The following CKAP5 variants were observed in gnomAD, a reference collection of about 807,000 sequenced individuals.
CKAP5 encodes the protein cytoskeleton-associated protein 5.
In CKAP5, 27 loss-of-function variants were observed where a neutral mutation model predicts 232.8. The ratio of observed to expected loss-of-function variants is 0.12; its 90% CI spans 0.09 to 0.16. The LOEUF (loss-of-function observed/expected upper bound fraction) is 0.16. CKAP5 is among the 10% of genes least tolerant of loss of function. The pLI, the probability that CKAP5 is intolerant of heterozygous loss-of-function variation, is 1.00. For synonymous variants in CKAP5, 785 were observed against 841.1 expected, an observed-to-expected ratio of 0.93 and a Z score of 1.16; for missense variants, 1,838 against 2,424.7, an observed-to-expected ratio of 0.76 and a Z score of 5.08.
intron 20 of CKAP5, 44 bp from the exon 21 acceptor site, chr11:46,778,643 A>G: frequency 6.4e-7 from 1 of 1,550,750 alleles, no homozygotes; most frequent in African/African-American, 1.4e-5. Flanking sequence ...TTTATATAGG[A>G]TATGGGAACA....
At chr11:46,811,204 C>A (rs1412016556) in intron 4 of CKAP5, 26 bp from the exon 5 acceptor site, 9 of 1,589,746 alleles carry the variant, frequency 5.7e-6, no homozygotes, top group East Asian at 2.2e-5. Context: ...TGGGAAAAAA[C>A]TGTCAACGTG....
intron 42 of CKAP5, among the ~76,000 whole-genome samples, chr11:46,749,153 A>T (rs1388981420): frequency 6.6e-6 from 1 of 151,440 alleles, no homozygotes; most frequent in East Asian, 2.0e-4. Flanking sequence ...TGACATGTAG[A>T]GTTTACAATG....
chr11:46,841,765 C>T (rs1310532863), intron 1 of CKAP5, among the ~76,000 whole-genome samples: 1 of 152,014 alleles, frequency 6.6e-6, no homozygotes, highest in African/African-American at 2.4e-5. Flanking sequence ...CTTTGGGAGG[C>T]CAAGGCAGGA....
intron 1 of CKAP5, among the ~76,000 whole-genome samples, chr11:46,835,781 G>A (rs529833649): frequency 6.6e-6 from 1 of 152,280 alleles, no homozygotes; most frequent in Admixed American, 6.5e-5. Flanking sequence ...CACCCACTTT[G>A]GGGGTGGGCT....
At chr11:46,803,140 T>A (rs538014235) in intron 8 of CKAP5, among the ~76,000 whole-genome samples, 82 of 151,994 alleles carry the variant, frequency 5.4e-4, no homozygotes, top group African/African-American at 1.9e-3. Flanking sequence ...GGCATGCGCC[T>A]GTAGTCCCAG....
chr11:46,765,599 C>CTT lies in CKAP5; in HGVS notation c.3412-345_3412-344dup, dbSNP rs147227678. On this transcript the variant is annotated intron_variant, in intron 27 of 43. Coordinates refer to ENST00000529230, the MANE Select transcript of CKAP5 (RefSeq NM_001008938.4). ...TTATAGCTTTCCATATTAATGACATCTTTTTTTTTTTTTTTTTTTTTTTGA... is the reference window on the plus strand; with the variant it reads ...TTATAGCTTTCCATATTAATGACATCTTTTTTTTTTTTTTTTTTTTTTTTTGA... Among the ~76,000 whole-genome samples the CTT allele has an allele frequency of 1.2e-4, 9 of 74,632 alleles. 1 individual carries two copies. Among genetic ancestry groups the CTT allele is most frequent in the Admixed American group, 1.8e-4 (1 of 5,704 alleles). 49.0% of individuals were successfully genotyped at this position (74,632 alleles called of 152,430 possible).
At chr11:46,817,866 G>C (rs567538765) in intron 3 of CKAP5, among the ~76,000 whole-genome samples, 1 of 152,216 alleles carries the variant, frequency 6.6e-6, no homozygotes, top group East Asian at 1.9e-4. Flanking sequence ...AATGAACAAA[G>C]GGAGAAAGAC....
intron 26 of CKAP5, among the ~76,000 whole-genome samples, chr11:46,769,613 T>C (rs1421373797): frequency 6.6e-6 from 1 of 151,976 alleles, no homozygotes; most frequent in African/African-American, 2.4e-5. Flanking sequence ...GAAGGAACAC[T>C]TGAGCCCAGG....
At chr11:46,829,632 TTA>T (rs1454299695) in intron 1 of CKAP5, among the ~76,000 whole-genome samples, 4 of 152,176 alleles carry the variant, frequency 2.6e-5, no homozygotes, top group Admixed American at 2.6e-4. Flanking sequence ...TGTTAAACAA[TTA>T]TGTTATCAAT....
intron 1 of CKAP5, among the ~76,000 whole-genome samples, chr11:46,823,063 C>G (rs113816114): frequency 1.3e-5 from 2 of 151,768 alleles, no homozygotes; most frequent in African/African-American, 4.8e-5. Context: ...TGGGCTCAAG[C>G]GATCCTTCCA....
chr11:46,789,085 T>C (rs189879083), intron 15 of CKAP5, among the ~76,000 whole-genome samples: 29 of 152,370 alleles, frequency 1.9e-4, no homozygotes, highest in African/African-American at 6.7e-4. Flanking sequence ...TTCATTTGCC[T>C]AGTGTGTGGC....
chr11:46,765,627 C>T (rs1423733938), intron 27 of CKAP5, among the ~76,000 whole-genome samples: 7 of 104,862 alleles, frequency 6.7e-5, no homozygotes, highest in Non-Finnish European at 8.8e-5. Flanking sequence ...TTTTTTGAGA[C>T]GGAGTCTCAC....
chr11:46,811,244 CTTCA>C (rs1939268046), intron 4 of CKAP5, 66 bp from the exon 5 acceptor site: 1 of 1,305,846 alleles, frequency 7.7e-7, no homozygotes, highest in East Asian at 2.4e-5. Flanking sequence ...ATTAGCTTTT[CTTCA>C]TTCAAACATA....
chr11:46,780,094 A>C, intron 20 of CKAP5, 100 bp downstream of exon 20: 2 of 1,293,614 alleles, frequency 1.5e-6, no homozygotes, highest in Non-Finnish European at 2.2e-6. Context: ...CAGGCTCCTG[A>C]GTAGCTGGGA....
chr11:46,757,856 G>C (rs1375938001), intron 35 of CKAP5, among the ~76,000 whole-genome samples: 2 of 149,768 alleles, frequency 1.3e-5, no homozygotes, highest in Non-Finnish European at 3.0e-5. Context: ...AAAGTGCTGG[G>C]ATTACAGGTG....
In CKAP5 at chr11:46,846,212, C is replaced by T. The variant is rs1260689425; in HGVS notation, c.-38+8G>A. The T allele has an allele frequency of 6.6e-6, 1 of 152,322 alleles. No homozygotes were observed. Among genetic ancestry groups the T allele is most frequent in the Non-Finnish European group, 1.5e-5 (1 of 68,136 alleles). 9.4% of individuals were successfully genotyped at this position (152,322 alleles called of 1,614,324 possible). On this transcript the variant is annotated splice_region_variant and intron_variant, in intron 1 of 43. Coordinates refer to ENST00000529230, the MANE Select transcript of CKAP5 (RefSeq NM_001008938.4). ...CTCGCGGGTGGGGCAGGCCCACCGA[C>T]CACTCACCTCAGCTGGGTCAGAACC...
At chr11:46,763,868 G>GT (rs1307649205) in intron 28 of CKAP5, among the ~76,000 whole-genome samples, 16 of 152,270 alleles carry the variant, frequency 1.1e-4, no homozygotes, top group East Asian at 7.7e-4. Context: ...AGTCTCACCT[G>GT]TTGCCTGGGC....
intron 8 of CKAP5, 93 bp downstream of exon 8, chr11:46,807,938 T>C: frequency 1.3e-6 from 1 of 790,752 alleles, no homozygotes. Context: ...GTTCCTTAAG[T>C]GGCAATGTAT....
chr11:46,767,642 G>A lies in CKAP5; in HGVS notation c.3344C>T (p.Ser1115Phe). ...PASAPAEDCI[S>F]SSTEPKPDPK... The stretch of plus-strand genomic sequence containing the variant: ...ATCAGGTTTGGGTTCTGTACTGCTG[G>A]AAATACAATCTTCAGCAGGTGCTTT... The change falls in exon 27 of 44, where the codon TCC (serine) becomes TTC (phenylalanine). Residue 1115 changes from serine to phenylalanine, a missense_variant. Physicochemically the swap from Ser to Phe is radical, Grantham distance 155. Transcript: ENST00000529230. The A allele has an allele frequency of 6.2e-7, 1 of 1,609,254 alleles. No individual in the cohort carries two copies. The highest frequency in any genetic ancestry group is 8.5e-7 in the Non-Finnish European group (1 of 1,177,280).
Sources: allele counts gnomAD v4.1 joint callset (sites outside exome capture counted in the v4.1 genomes callset), GRCh38; gene constraint gnomAD v4.1.1; transcripts MANE v1.5; gene names NCBI Gene and HGNC (gene_info 2026-07-23, HGNC 2026-07-21).